The following RREB1 variants were observed in gnomAD, a reference collection of about 807,000 sequenced individuals.
The protein encoded by RREB1 is ras responsive element binding protein 1, also known as ras-responsive element-binding protein 1.
RREB1 carries 27 observed loss-of-function variants against 117.8 expected under a neutral mutation model. The observed-to-expected ratio is 0.23, with a 90% CI of 0.17 to 0.32. RREB1 has a LOEUF of 0.32. Among genes scored for constraint, RREB1 ranks in the 10% least tolerant of loss-of-function variants. The pLI, the probability that RREB1 is intolerant of heterozygous loss-of-function variation, is 1.00. For synonymous variants in RREB1, 1,298 were observed against 1,026.7 expected, an observed-to-expected ratio of 1.26 and a Z score of -5.05; for missense variants, 2,577 against 2,378.2, an observed-to-expected ratio of 1.08 and a Z score of -1.74.
In RREB1 at chr6:7,230,488, G is replaced by A. The variant is rs756046066; in HGVS notation, c.2389G>A (p.Ala797Thr). The A allele has an allele frequency of 3.8e-6, 6 of 1,593,678 alleles. No individual in the cohort carries two copies. Among genetic ancestry groups the A allele is most frequent in the Non-Finnish European group, 5.1e-6 (6 of 1,177,082 alleles). Residue 797 changes from alanine to threonine, a missense_variant, in exon 10 of 13, where the codon GCC becomes ACC. Transcript: ENST00000379938. ...GCCCTTCGAGTGCAAGGAGTGCAGC[G>A]CCGCGTTCGCGGCCAAGCGCAACTG... ...RKPFECKECS[A>T]AFAAKRNCIH...
At chr6:7,209,338 T>C (rs1360450192) in intron 6 of RREB1, among the ~76,000 whole-genome samples, 9 of 152,210 alleles carry the variant, frequency 5.9e-5, no homozygotes, top group Admixed American at 6.5e-5. Context: ...TCTCAACTCT[T>C]AGATGCTTTC....
intron 1 of RREB1, among the ~76,000 whole-genome samples, chr6:7,114,399 T>C (rs866403659): frequency 2.6e-5 from 4 of 151,360 alleles, no homozygotes; most frequent in Non-Finnish European, 5.9e-5. Flanking sequence ...AAGAAGTGGT[T>C]CTCAACCTGG....
At chr6:7,125,529 T>G (rs1761868759) in intron 1 of RREB1, among the ~76,000 whole-genome samples, 1 of 152,244 alleles carries the variant, frequency 6.6e-6, no homozygotes, top group Admixed American at 6.5e-5. Context: ...TGTTTCAGAC[T>G]CACAGGTTGC....
chr6:7,163,038 A>G (rs770841626), intron 1 of RREB1, among the ~76,000 whole-genome samples: 1 of 151,962 alleles, frequency 6.6e-6, no homozygotes, highest in Non-Finnish European at 1.5e-5. Context: ...ACTCTCATCC[A>G]TTAAAAGTGA....
Position 7,240,447 on chromosome 6 carries a change from C to G in RREB1, c.3818C>G (p.Pro1273Arg). Reference protein sequence around the residue: ...RHMLTHTGQKPFPCQKCDAFF... With the variant: ...RHMLTHTGQKRFPCQKCDAFF... ...TTTTTTCCTGCTTCAGGTCAGAAAC[C>G]CTTCCCTTGTCAAAAATGCGATGCC... Residue 1273 changes from proline to arginine, a missense_variant, in exon 11 of 13, where the codon CCC becomes CGC. Pro to Arg is a moderately radical substitution (Grantham distance 103). Transcript: ENST00000379938. 1.9e-6 allele frequency: 3 copies of G among 1,612,856 alleles called. No homozygotes were observed. The highest frequency in any genetic ancestry group is 2.5e-6 in the Non-Finnish European group (3 of 1,179,326).
At chr6:7,168,307 T>C (rs796253182) in intron 1 of RREB1, among the ~76,000 whole-genome samples, 24 of 151,216 alleles carry the variant, frequency 1.6e-4, no homozygotes, top group African/African-American at 5.8e-4. Context: ...TTTAAAGTTA[T>C]GCTGTAATGG....
chr6:7,179,509 AGTTAT>A (rs1206753295), intron 2 of RREB1, among the ~76,000 whole-genome samples: 1 of 152,256 alleles, frequency 6.6e-6, no homozygotes, highest in Non-Finnish European at 1.5e-5. Context: ...ATTTCTAGTC[AGTTAT>A]GTTGTAATTC....
chr6:7,239,503 T>G (rs189825664), intron 10 of RREB1, among the ~76,000 whole-genome samples: 226 of 152,304 alleles, frequency 1.5e-3, no homozygotes, highest in African/African-American at 5.2e-3. Flanking sequence ...GAGCTTCTAT[T>G]GCATTTTGAA....
chr6:7,164,423 T>G (rs550717010), intron 1 of RREB1, among the ~76,000 whole-genome samples: 1 of 152,346 alleles, frequency 6.6e-6, no homozygotes, highest in African/African-American at 2.4e-5. Flanking sequence ...AGAAAGGAAC[T>G]CCAGGGGGAC....
At chr6:7,177,779 A>G (rs1173631988) in intron 2 of RREB1, among the ~76,000 whole-genome samples, 2 of 151,746 alleles carry the variant, frequency 1.3e-5, no homozygotes, top group Admixed American at 1.3e-4. Context: ...CTGGAGTGTA[A>G]TGGGGCTATC....
intron 1 of RREB1, among the ~76,000 whole-genome samples, chr6:7,159,097 T>A (rs1763524503): frequency 6.6e-6 from 1 of 152,212 alleles, no homozygotes; most frequent in Non-Finnish European, 1.5e-5. Context: ...AGCAGAAATG[T>A]TCAGTGCATA....
At chr6:7,176,503 G>A (rs1176988982) in intron 1 of RREB1, among the ~76,000 whole-genome samples, 152 bp from the exon 2 acceptor site, 2 of 152,200 alleles carry the variant, frequency 1.3e-5, no homozygotes. Context: ...ACTCTGGATG[G>A]AATCAGCCTG....
intron 1 of RREB1, among the ~76,000 whole-genome samples, chr6:7,170,767 G>A (rs774635024): frequency 1.3e-5 from 2 of 152,158 alleles, no homozygotes; most frequent in Non-Finnish European, 2.9e-5. Context: ...CTGACCCAGG[G>A]CCTTGGTTTT....
At chr6:7,128,662 A>G (rs564679410) in intron 1 of RREB1, among the ~76,000 whole-genome samples, 152 of 152,272 alleles carry the variant, frequency 1.0e-3, no homozygotes, top group African/African-American at 3.4e-3. Context: ...AGTTTCTACC[A>G]CTTGACTCAA....
chr6:7,162,184 C>T (rs563378057), intron 1 of RREB1, among the ~76,000 whole-genome samples: 8 of 152,086 alleles, frequency 5.3e-5, no homozygotes, highest in South Asian at 4.2e-4. Context: ...ACAAGGTTGC[C>T]GTTTTTTTAT....
rs747198771 is a variant in RREB1, at chr6:7,251,489, C to CTTGTTTTTTTTTTTT, written c.*2523_*2524insGTTTTTTTTTTTTTT. 5.8e-5 allele frequency: 7 copies of CTTGTTTTTTTTTTTT among 121,348 alleles called. No homozygotes were observed. The highest frequency in any genetic ancestry group is 1.6e-4 in the African/African-American group (5 of 31,414). 7.5% of individuals were successfully genotyped at this position (121,348 alleles called of 1,614,324 possible). On this transcript the variant is annotated 3_prime_UTR_variant, in exon 13 of 13. Transcript: ENST00000379938. ...GTTTTTTGAGGTGCAAGTTTTTTCT[C>CTTGTTTTTTTTTTTT]TTTTTTTTTTTTTTTTTTTTTTCTC...
At position 7,230,641 on chromosome 6, in the gene RREB1, A is replaced by G; in HGVS notation, c.2542A>G (p.Ser848Gly). Residue 848 changes from serine to glycine, a missense_variant, in exon 10 of 13, where the codon AGT becomes GGT. By Grantham distance (56) the Ser-to-Gly change is moderately conservative (BLOSUM62 0). Transcript: ENST00000379938. ...AAEASGRGED[S>G]GCAALGDCKP... Reference sequence around the variant, plus strand: ...TGAGGCGTCGGGGCGCGGGGAGGACAGTGGCTGCGCTGCCCTTGGTGACTG... The same window carrying G: ...TGAGGCGTCGGGGCGCGGGGAGGACGGTGGCTGCGCTGCCCTTGGTGACTG... The G allele has an allele frequency of 6.2e-7, 1 of 1,602,852 alleles. No individual in the cohort carries two copies. The highest frequency in any genetic ancestry group is 1.1e-5 in the South Asian group (1 of 89,792).
chr6:7,196,258 C>A (rs1457934142), intron 6 of RREB1, among the ~76,000 whole-genome samples: 2 of 135,582 alleles, frequency 1.5e-5, no homozygotes, highest in African/African-American at 5.5e-5. Flanking sequence ...CTGAAACACT[C>A]GGCCTCACAA....
chr6:7,246,527 G>C lies in RREB1; in HGVS notation c.4077G>C (p.Gln1359His). 6.5e-7 allele frequency: 1 copy of C among 1,547,104 alleles called. No individual in the cohort carries two copies. The highest frequency in any genetic ancestry group is 1.4e-5 in the African/African-American group (1 of 73,318). Residue 1359 changes from glutamine (Q) to histidine (H), a missense_variant, in exon 12 of 13, where the codon CAG becomes CAC. Transcript: ENST00000379938. ...QPSEGATELR[Q>H]VAGDAPVEQA... ...CGGAGGGCGCCACTGAGCTCCGCCA[G>C]GTCGCAGGGGATGCGCCTGTGGAGC...
Sources: gnomAD v4.1 joint callset for allele counts (sites outside exome capture counted in the v4.1 genomes callset) on GRCh38, gnomAD v4.1.1 for gene constraint, MANE v1.5 for transcripts, NCBI Gene and HGNC (gene_info 2026-07-23, HGNC 2026-07-21) for gene names.